SYT1: variants seen among roughly 807,000 people sequenced by gnomAD.
The protein encoded by SYT1 is synaptotagmin 1, also known as synaptotagmin-1.
SYT1 carries 8 observed loss-of-function variants against 44.8 expected under a neutral mutation model. That is an observed-to-expected ratio of 0.18 (90% CI 0.10 to 0.32). The LOEUF is 0.32. Ranked by LOEUF, SYT1 falls within the 10% of genes least tolerant of loss-of-function variation. The pLI is 1.00. For synonymous variants in SYT1, 154 were observed against 188.8 expected, an observed-to-expected ratio of 0.82 and a Z score of 1.51; for missense variants, 286 against 509.3, an observed-to-expected ratio of 0.56 and a Z score of 4.22.
At chr12:78,895,551 A>T (rs760404772) in intron 1 of SYT1, among the ~76,000 whole-genome samples, 20 of 151,740 alleles carry the variant, frequency 1.3e-4, no homozygotes, top group Non-Finnish European at 2.7e-4. Flanking sequence ...AGTATTTTTA[A>T]AAGTATTCCA....
chr12:79,119,187 T>A (rs529027831), intron 3 of SYT1, among the ~76,000 whole-genome samples: 1 of 152,346 alleles, frequency 6.6e-6, no homozygotes, highest in Non-Finnish European at 1.5e-5. Context: ...TATCATCATA[T>A]CCTGCCTGAA....
At chr12:79,053,151 C>T (rs1426538108) in intron 3 of SYT1, among the ~76,000 whole-genome samples, 7 of 151,984 alleles carry the variant, frequency 4.6e-5, no homozygotes, top group African/African-American at 1.7e-4. Context: ...ATGTGGCACA[C>T]ATACACCATG....
At chr12:79,264,816 G>A (rs1029591737) in intron 4 of SYT1, among the ~76,000 whole-genome samples, 2 of 152,110 alleles carry the variant, frequency 1.3e-5, no homozygotes, top group African/African-American at 4.8e-5. Context: ...TGACTTCAAA[G>A]AACTATTCTT....
At chr12:79,288,959 T>G (rs897985536) in intron 5 of SYT1, among the ~76,000 whole-genome samples, 2 of 152,108 alleles carry the variant, frequency 1.3e-5, no homozygotes, top group South Asian at 4.1e-4. Flanking sequence ...GAGGCTGAAC[T>G]AAATTGATTT....
intron 8 of SYT1, among the ~76,000 whole-genome samples, chr12:79,344,893 A>G (rs1882537768): frequency 6.6e-6 from 1 of 152,220 alleles, no homozygotes. Flanking sequence ...TAAATTATGG[A>G]CATCATGAGG....
chr12:79,084,390 C>A (rs1877240582), intron 3 of SYT1, among the ~76,000 whole-genome samples: 1 of 152,122 alleles, frequency 6.6e-6, no homozygotes, highest in Non-Finnish European at 1.5e-5. Flanking sequence ...ACACTAGTCT[C>A]CAACTACCTT....
chr12:78,929,407 CCCAAAAAAA>C (rs1198742620), intron 1 of SYT1, among the ~76,000 whole-genome samples: 528 of 14,620 alleles, frequency 0.036, 40 homozygotes, highest in Non-Finnish European at 0.1. Flanking sequence ...GAGACTCCGT[CCCAAAAAAA>C]AAAAAAAAAA....
intron 9 of SYT1, among the ~76,000 whole-genome samples, chr12:79,385,168 G>T (rs554768099): frequency 1.3e-5 from 2 of 151,690 alleles, no homozygotes; most frequent in African/African-American, 4.8e-5. Context: ...TGTGTTTTTG[G>T]TAGAGACAGG....
chr12:79,321,247 G>A (rs1028763499), intron 8 of SYT1, among the ~76,000 whole-genome samples: 15 of 152,122 alleles, frequency 9.9e-5, no homozygotes, highest in Non-Finnish European at 1.8e-4. Flanking sequence ...TAAATCAAAA[G>A]TTTGCCTTAC....
chr12:78,936,314 T>C (rs971013454), intron 1 of SYT1, among the ~76,000 whole-genome samples: 3 of 152,166 alleles, frequency 2.0e-5, no homozygotes, highest in African/African-American at 7.2e-5. Context: ...CTAAGTTTCC[T>C]GGTAACTTGA....
At chr12:79,022,943 T>TA (rs1872292559) in intron 2 of SYT1, among the ~76,000 whole-genome samples, 1 of 151,838 alleles carries the variant, frequency 6.6e-6, no homozygotes, top group African/African-American at 2.4e-5. Flanking sequence ...AACCTTTAGA[T>TA]AAAATCTTGC....
intron 3 of SYT1, among the ~76,000 whole-genome samples, chr12:79,137,274 T>G (rs186733746): frequency 6.6e-4 from 100 of 152,148 alleles, no homozygotes; most frequent in South Asian, 2.5e-3. Flanking sequence ...TTTTGCATTT[T>G]TAATAGAGAC....
intron 1 of SYT1, among the ~76,000 whole-genome samples, chr12:78,885,309 G>C (rs1470023511): frequency 1.6e-5 from 1 of 64,316 alleles, no homozygotes; most frequent in African/African-American, 7.9e-5. Flanking sequence ...AGAAAGGAGA[G>C]AGGGAGGGAA....
At chr12:78,921,180 A>G (rs1307484726) in intron 1 of SYT1, among the ~76,000 whole-genome samples, 1 of 151,942 alleles carries the variant, frequency 6.6e-6, no homozygotes, top group East Asian at 1.9e-4. Flanking sequence ...AATTTTTTTA[A>G]TATTCTATAA....
chr12:79,032,586 T>G (rs1872893032), intron 2 of SYT1, among the ~76,000 whole-genome samples: 1 of 151,264 alleles, frequency 6.6e-6, no homozygotes, highest in South Asian at 2.1e-4. Context: ...TTGCTAGTCT[T>G]AATACAGTTA....
At chr12:79,147,464 T>C (rs1447646898) in intron 3 of SYT1, among the ~76,000 whole-genome samples, 1 of 152,220 alleles carries the variant, frequency 6.6e-6, no homozygotes, top group East Asian at 1.9e-4. Flanking sequence ...CACTGATTTT[T>C]AAAATATTTT....
At chr12:78,931,387 AGG>A (rs1298644543) in intron 1 of SYT1, among the ~76,000 whole-genome samples, 1 of 117,080 alleles carries the variant, frequency 8.5e-6, no homozygotes, top group African/African-American at 3.4e-5. Context: ...GAAGGAAGGA[AGG>A]AAGGAAGGGA....
At chr12:78,894,999 CAA>C (rs1354155991) in intron 1 of SYT1, among the ~76,000 whole-genome samples, 1 of 151,302 alleles carries the variant, frequency 6.6e-6, no homozygotes, top group Non-Finnish European at 1.5e-5. Context: ...ATACATATAT[CAA>C]AACATATTAT....
chr12:79,349,182 G>GGGAA (rs1232633915), intron 8 of SYT1, among the ~76,000 whole-genome samples: 1 of 150,970 alleles, frequency 6.6e-6, no homozygotes, highest in African/African-American at 2.4e-5. Context: ...AAGGGACGGA[G>GGGAA]GGAAGGAAGG....
Sources: allele counts gnomAD v4.1 joint callset (sites outside exome capture counted in the v4.1 genomes callset), GRCh38; gene constraint gnomAD v4.1.1; transcripts MANE v1.5; gene names NCBI Gene and HGNC (gene_info 2026-07-23, HGNC 2026-07-21).